The following TMEM233 variants were observed in gnomAD, a reference collection of about 807,000 sequenced individuals.
The protein encoded by TMEM233 is transmembrane protein 233.
In TMEM233, 6 loss-of-function variants were observed where a neutral mutation model predicts 11.2. The observed-to-expected ratio is 0.54, with a 90% CI of 0.29 to 1.06. The LOEUF is 1.06. TMEM233 is among the 50% of genes least tolerant of loss of function. The probability of loss-of-function intolerance (pLI) is 0.08; values close to 1 mark genes in which losing one functional copy is unlikely to be tolerated. For missense variants in TMEM233, 127 were observed against 144.7 expected (o/e 0.88, Z 0.63); for synonymous variants, 59 against 55.8 (o/e 1.06, Z -0.26).
chr12:119,617,464 T>C (rs907069298), intron 1 of TMEM233, among the ~76,000 whole-genome samples: 2 of 152,078 alleles, frequency 1.3e-5, no homozygotes, highest in Non-Finnish European at 2.9e-5. Context: ...GCAGAAGAAA[T>C]TTCTACATGG....
At chr12:119,634,643 T>C (rs891070272) in intron 2 of TMEM233, among the ~76,000 whole-genome samples, 7 of 152,164 alleles carry the variant, frequency 4.6e-5, no homozygotes, top group African/African-American at 1.7e-4. Flanking sequence ...ACAAAACCTG[T>C]CTGAAGTAAA....
chr12:119,616,580 C>A (rs999880059), intron 1 of TMEM233, among the ~76,000 whole-genome samples: 1 of 152,146 alleles, frequency 6.6e-6, no homozygotes, highest in African/African-American at 2.4e-5. Flanking sequence ...GTGCGACTTA[C>A]AAGGAGTCAC....
At chr12:119,648,393 A>G in the TMEM233 span, among the ~76,000 whole-genome samples, 1 of 152,202 alleles carries the variant, frequency 6.6e-6, no homozygotes, top group Admixed American at 6.5e-5. Context: ...CTCTATAGCT[A>G]TTTGCTGAAT....
chr12:119,607,097 G>A (rs1419039076), intron 1 of TMEM233, among the ~76,000 whole-genome samples: 1 of 152,166 alleles, frequency 6.6e-6, no homozygotes, highest in Non-Finnish European at 1.5e-5. Flanking sequence ...GTGCATGGGG[G>A]AAGAAAAGGC....
chr12:119,619,394 A>T (rs1954599389), intron 1 of TMEM233, among the ~76,000 whole-genome samples: 2 of 152,218 alleles, frequency 1.3e-5, no homozygotes, highest in South Asian at 4.1e-4. Context: ...TAATACCAAC[A>T]GTTTCGGAGG....
intron 1 of TMEM233, among the ~76,000 whole-genome samples, chr12:119,598,955 G>A (rs1954101765): frequency 6.6e-6 from 1 of 152,168 alleles, no homozygotes; most frequent in Non-Finnish European, 1.5e-5. Flanking sequence ...TGGAAGACGT[G>A]TCTGTTCTAG....
intron 1 of TMEM233, among the ~76,000 whole-genome samples, chr12:119,619,609 C>G (rs551023187): frequency 6.6e-6 from 1 of 151,630 alleles, no homozygotes; most frequent in East Asian, 1.9e-4. Flanking sequence ...CCATTGCACT[C>G]CAGCCTGGGT....
the TMEM233 span, among the ~76,000 whole-genome samples, chr12:119,649,981 ACC>A: frequency 6.6e-6 from 1 of 151,266 alleles, no homozygotes; most frequent in Non-Finnish European, 1.5e-5. Context: ...ACACGTTGAA[ACC>A]CCGTCTCTAC....
At chr12:119,648,950 G>A in the TMEM233 span, among the ~76,000 whole-genome samples, 3 of 152,108 alleles carry the variant, frequency 2.0e-5, no homozygotes, top group African/African-American at 4.8e-5. Context: ...TATCGTGATG[G>A]TTTAGAAAAA....
chr12:119,643,181 G>C (rs1299502313), downstream of TMEM233: 1 of 152,260 alleles, frequency 6.6e-6, no homozygotes, highest in African/African-American at 2.4e-5. Context: ...GAAGAGCCCA[G>C]AGAGGCCAGA....
chr12:119,648,608 A>G, the TMEM233 span, among the ~76,000 whole-genome samples: 3 of 152,202 alleles, frequency 2.0e-5, no homozygotes, highest in Admixed American at 2.0e-4. Context: ...AGTTTGCACA[A>G]TTACCATTTA....
rs142259372 is a variant in TMEM233 at position 119,637,733 on chromosome 12, C to T, written c.324-2966C>T. 9.2e-5 allele frequency among the ~76,000 whole-genome samples: 14 copies of T among 152,164 alleles called. 1 individual carries two copies. The highest frequency in any genetic ancestry group is 2.6e-4 in the African/African-American group (11 of 41,524). The stretch of plus-strand genomic sequence containing the variant: ...TAAGTTCAGGTAGAGACAAATCAGA[C>T]CTAAGTTGCCAGCAACAATGGAAGA... On this transcript the variant is annotated intron_variant, in intron 2 of 2. Coordinates refer to ENST00000426426, the MANE Select transcript of TMEM233 (RefSeq NM_001136534.3).
intron 1 of TMEM233, among the ~76,000 whole-genome samples, chr12:119,610,188 T>C (rs1954366627): frequency 1.3e-5 from 2 of 152,230 alleles, no homozygotes; most frequent in Non-Finnish European, 2.9e-5. Flanking sequence ...GATTTTGGAC[T>C]TGCATCCTTT....
intron 1 of TMEM233, among the ~76,000 whole-genome samples, chr12:119,596,876 G>T (rs976035951): frequency 1.3e-5 from 2 of 152,190 alleles, no homozygotes; most frequent in African/African-American, 2.4e-5. Flanking sequence ...CAAAACTGTT[G>T]TAAGGATGAA....
At chr12:119,607,148 T>G (rs1193607914) in intron 1 of TMEM233, among the ~76,000 whole-genome samples, 2 of 152,234 alleles carry the variant, frequency 1.3e-5, no homozygotes, top group Non-Finnish European at 2.9e-5. Context: ...TTCCTCTAAG[T>G]AGCAGGATTC....
chr12:119,631,691 T>C, intron 2 of TMEM233: 1 of 984,326 alleles, frequency 1.0e-6, no homozygotes, highest in Non-Finnish European at 1.2e-6. Flanking sequence ...ATGGTGCAGT[T>C]TTGGCACCAG....
chr12:119,616,956 G>A (rs1954550170), intron 1 of TMEM233, among the ~76,000 whole-genome samples: 1 of 152,164 alleles, frequency 6.6e-6, no homozygotes, highest in African/African-American at 2.4e-5. Flanking sequence ...CCAGCCCTGT[G>A]GAACTGTGAG....
At chr12:119,616,480 T>A (rs1425349638) in intron 1 of TMEM233, among the ~76,000 whole-genome samples, 2 of 152,230 alleles carry the variant, frequency 1.3e-5, no homozygotes, top group Non-Finnish European at 2.9e-5. Flanking sequence ...GGTTGGCTTA[T>A]GAAATTATGA....
chr12:119,599,928 G>A (rs1954125937), intron 1 of TMEM233, among the ~76,000 whole-genome samples: 1 of 152,138 alleles, frequency 6.6e-6, no homozygotes. Context: ...AAGCTGCAAT[G>A]TTGAACAAGG....
Sources: gnomAD v4.1 joint callset for allele counts (sites outside exome capture counted in the v4.1 genomes callset) on GRCh38, gnomAD v4.1.1 for gene constraint, MANE v1.5 for transcripts, NCBI Gene and HGNC (gene_info 2026-07-23, HGNC 2026-07-21) for gene names.